The following CDH11 variants were observed in gnomAD, a reference collection of about 807,000 sequenced individuals.
CDH11 encodes the protein cadherin 11.
Under a neutral mutation model 67.8 loss-of-function variants are expected in CDH11, and 11 were observed. The ratio of observed to expected loss-of-function variants is 0.16; its 90% CI spans 0.10 to 0.27. The LOEUF (loss-of-function observed/expected upper bound fraction) is 0.27, where lower values mean the gene tolerates loss of function less well. CDH11 is among the 10% of genes least tolerant of loss of function. CDH11 has a pLI of 1.00. For synonymous variants in CDH11, 419 were observed against 400.0 expected, an observed-to-expected ratio of 1.05 and a Z score of -0.57; for missense variants, 847 against 1,031.2, an observed-to-expected ratio of 0.82 and a Z score of 2.45.
chr16:65,118,536 A>G (rs74886684), intron 1 of CDH11, among the ~76,000 whole-genome samples: 7,210 of 152,300 alleles, frequency 0.047, 229 homozygotes, highest in East Asian at 0.16. Flanking sequence ...AAAACTCACA[A>G]TTCTTGGTAA....
At chr16:64,966,508 C>A (rs976037617) in intron 11 of CDH11, among the ~76,000 whole-genome samples, 1 of 151,402 alleles carries the variant, frequency 6.6e-6, no homozygotes, top group African/African-American at 2.4e-5. Context: ...AAATATGATA[C>A]CAGTAAATAG....
chr16:65,064,840 T>C (rs1221616757), intron 1 of CDH11, among the ~76,000 whole-genome samples: 1 of 152,160 alleles, frequency 6.6e-6, no homozygotes, highest in Non-Finnish European at 1.5e-5. Context: ...TAAATAACAA[T>C]GTGATTGTAT....
intron 2 of CDH11, among the ~76,000 whole-genome samples, chr16:65,047,838 T>A (rs1035725713): frequency 6.6e-6 from 1 of 152,198 alleles, no homozygotes; most frequent in African/African-American, 2.4e-5. Flanking sequence ...TTTCTCCTGA[T>A]AAATCCCTAC....
intron 1 of CDH11, among the ~76,000 whole-genome samples, chr16:65,058,998 G>A (rs2074193879): frequency 6.6e-6 from 1 of 152,126 alleles, no homozygotes; most frequent in Admixed American, 6.5e-5. Flanking sequence ...CCCTTTAATA[G>A]ATGTGTATTT....
intron 1 of CDH11, among the ~76,000 whole-genome samples, chr16:65,112,406 A>T (rs2075176281): frequency 6.6e-6 from 1 of 152,120 alleles, no homozygotes; most frequent in African/African-American, 2.4e-5. Context: ...ACCACCATTG[A>T]TCACTAAACT....
intron 2 of CDH11, among the ~76,000 whole-genome samples, chr16:65,033,580 T>C (rs947931204): frequency 1.3e-5 from 2 of 151,690 alleles, no homozygotes; most frequent in Admixed American, 1.3e-4. Context: ...CTACTAAAAA[T>C]ACAAGAATTA....
rs201799630 is a variant in CDH11 at position 65,001,811 on chromosome 16, AC to A, written c.228+2830del. Among the ~76,000 whole-genome samples the A allele has an allele frequency of 5.1e-3, 773 of 151,148 alleles. 10 individuals are homozygous for A. Among genetic ancestry groups the A allele is most frequent in the African/African-American group, 0.017 (715 of 41,254 alleles). On this transcript the variant is annotated intron_variant, in intron 3 of 12. Transcript: ENST00000268603. ...ACACACACACACATTAAAAAAAAAA[AC>A]AAAAACCCAGTTTCAGAAACCATTC... is the stretch of plus-strand genomic sequence containing the variant.
intron 12 of CDH11, 43 bp downstream of exon 12, chr16:64,950,724 G>T: frequency 6.3e-7 from 1 of 1,594,726 alleles, no homozygotes; most frequent in Non-Finnish European, 8.6e-7. Context: ...AGGGGCATCC[G>T]GTTGCCTGGC....
intron 11 of CDH11, among the ~76,000 whole-genome samples, chr16:64,965,278 A>G (rs1416610332): frequency 1.3e-5 from 2 of 149,404 alleles, no homozygotes; most frequent in Non-Finnish European, 3.0e-5. Context: ...GCTACCTGGG[A>G]GTCTGAGGCA....
intron 1 of CDH11, among the ~76,000 whole-genome samples, chr16:65,089,464 A>G (rs2074757000): frequency 6.6e-6 from 1 of 152,168 alleles, no homozygotes; most frequent in Admixed American, 6.5e-5. Context: ...CTTGCTCTTA[A>G]AACTATGAAA....
rs2071186791 is a variant in CDH11 at position 64,945,864 on chromosome 16, G to A, written c.*1739C>T. 1 of 1,055,158 alleles carries A rather than the reference G, an allele frequency of 9.5e-7. No individual in the cohort carries two copies. Among genetic ancestry groups the A allele is most frequent in the Non-Finnish European group, 1.1e-6 (1 of 872,978 alleles). 65.4% of individuals were successfully genotyped at this position (1,055,158 alleles called of 1,614,324 possible). A position where few individuals can be genotyped will look rare whatever the true frequency, so the allele number is the denominator to read the frequency against. On this transcript the variant is annotated 3_prime_UTR_variant, in exon 13 of 13. Transcript: ENST00000268603. ...AAGTCAGAAAAAAACTGTAAAAATT[G>A]TCTGCAATCCAAGAAAAAGCACGTG...
At chr16:65,088,593 G>T (rs2074740774) in intron 1 of CDH11, among the ~76,000 whole-genome samples, 4 of 152,218 alleles carry the variant, frequency 2.6e-5, no homozygotes, top group East Asian at 1.9e-4. Flanking sequence ...ACTATTCAAA[G>T]AATTCCTCTA....
intron 4 of CDH11, among the ~76,000 whole-genome samples, chr16:64,994,873 A>C (rs1340649011): frequency 6.6e-6 from 1 of 152,234 alleles, no homozygotes; most frequent in African/African-American, 2.4e-5. Context: ...TTCAGAATAC[A>C]AAATCAAGGT....
At position 64,971,955 on chromosome 16, in the gene CDH11, A is replaced by G. The variant is rs958989980; in HGVS notation, c.1500T>C (p.Asp500=). ...APYEGFICES[D]QTKPLSNQPI... is the part of the protein sequence containing the mutation. ...CCTGGTTGGAAAGTGGCTTGGTCTG[A>G]TCACTCTCACAGATGAAACCTTCAT... The change falls in exon 10 of 13, where the codon GAT becomes GAC. Residue 500 remains aspartate (D), a synonymous_variant. Transcript: ENST00000268603. The G allele has an allele frequency of 4.3e-6, 7 of 1,613,926 alleles. No homozygotes were observed. The highest frequency in any genetic ancestry group is 5.1e-6 in the Non-Finnish European group (6 of 1,179,954).
intron 7 of CDH11, chr16:64,986,719 A>ATCCATTAATGTAGACTTT (rs1463032930): frequency 6.6e-6 from 1 of 152,124 alleles, no homozygotes; most frequent in African/African-American, 2.4e-5. Flanking sequence ...CCTACCATTC[A>ATCCATTAATGTAGACTTT]TCCATTAATG....
At chr16:65,051,827 T>TA (rs1317993407) in intron 2 of CDH11, among the ~76,000 whole-genome samples, 6 of 152,194 alleles carry the variant, frequency 3.9e-5, no homozygotes, top group Non-Finnish European at 8.8e-5. Context: ...ACCATGATTC[T>TA]AAGTTTCCTG....
intron 1 of CDH11, among the ~76,000 whole-genome samples, chr16:65,074,645 A>G (rs898636421): frequency 2.0e-5 from 3 of 152,152 alleles, no homozygotes; most frequent in East Asian, 3.9e-4. Flanking sequence ...CCAAGCCCAT[A>G]TCTTCCCCCA....
chr16:65,005,475 G>A (rs778986140), intron 2 of CDH11, among the ~76,000 whole-genome samples: 21 of 152,324 alleles, frequency 1.4e-4, no homozygotes, highest in Admixed American at 5.2e-4. Flanking sequence ...AATAAGAAAG[G>A]AGAGTGTGGG....
chr16:64,988,313 G>A lies in CDH11; in HGVS notation c.843C>T (p.Ala281=), dbSNP rs746814113. The A allele has an allele frequency of 1.7e-5, 27 of 1,612,838 alleles. No homozygotes were observed. In the East Asian group the frequency reaches 2.0e-4, roughly 12 times the overall value. The change falls in exon 7 of 13, where the codon GCC becomes GCT. Residue 281 remains alanine (A), a synonymous_variant. Transcript: ENST00000268603. ...CTCTTCCTACTTCCTCCCCAGGGACGGCTGCTTCTGACACAGACATCTGGT... is the reference window on the plus strand; with the variant it reads ...CTCTTCCTACTTCCTCCCCAGGGACAGCTGCTTCTGACACAGACATCTGGT... ...SVYQMSVSEA[A]VPGEEVGRVK... is the part of the protein sequence containing the mutation.
Sources: gnomAD v4.1 joint callset for allele counts (sites outside exome capture counted in the v4.1 genomes callset) on GRCh38, gnomAD v4.1.1 for gene constraint, MANE v1.5 for transcripts, NCBI Gene and HGNC (gene_info 2026-07-23, HGNC 2026-07-21) for gene names.